Variants in IL17A observed in about 807,000 individuals in gnomAD.
IL17A encodes interleukin-17A.
IL17A carries 1 observed loss-of-function variant against 7.2 expected under a neutral mutation model. That is an observed-to-expected ratio of 0.14 (90% CI 0.05 to 0.66). The LOEUF is 0.66. IL17A is among the 30% of genes least tolerant of loss of function. The probability of loss-of-function intolerance (pLI) is 0.84; values close to 1 mark genes in which losing one functional copy is unlikely to be tolerated. For synonymous variants in IL17A, 90 were observed against 77.7 expected (o/e 1.16, Z -0.83); for missense variants, 191 against 197.1 (o/e 0.97, Z 0.18).
rs1167432363 is a variant in IL17A, at chr6:52,190,328, TC to T, written c.*1040del. On this transcript the variant is annotated 3_prime_UTR_variant, in exon 3 of 3. Transcript: ENST00000648244. ...AGATCATATGGGGAAAATGAAACCC[TC>T]CCCAAAATACAAGAAGTTCTGGGAG... 1 of 152,084 alleles carries T rather than the reference TC, an allele frequency of 6.6e-6. No homozygotes were observed. Among genetic ancestry groups the T allele is most frequent in the Admixed American group, 6.5e-5 (1 of 15,270 alleles). 9.4% of individuals were successfully genotyped at this position (152,084 alleles called of 1,614,324 possible).
chr6:52,188,476 G>C (rs776974873), intron 2 of IL17A, among the ~76,000 whole-genome samples: 1 of 152,062 alleles, frequency 6.6e-6, no homozygotes, highest in Non-Finnish European at 1.5e-5. Context: ...CCATTACTAG[G>C]AAGAGTCAAA....
chr6:52,190,191 C>G lies in IL17A; in HGVS notation c.*899C>G, dbSNP rs889226274. The G allele has an allele frequency of 6.6e-6, 1 of 152,180 alleles. No homozygotes were observed. The highest frequency in any genetic ancestry group is 2.4e-5 in the African/African-American group (1 of 41,432). 9.4% of individuals were successfully genotyped at this position (152,180 alleles called of 1,614,324 possible). Reference sequence around the variant, plus strand: ...TTCTCGATTTCACATGCCTTCAAGACTGAACACCGACTAAGGTTTTCATAC... The same window carrying G: ...TTCTCGATTTCACATGCCTTCAAGAGTGAACACCGACTAAGGTTTTCATAC... On this transcript the variant is annotated 3_prime_UTR_variant, in exon 3 of 3. Transcript: ENST00000648244.
In IL17A at chr6:52,187,694, A is replaced by T; in HGVS notation, c.119A>T (p.Asn40Ile). 1 of 1,614,074 alleles carries T rather than the reference A, an allele frequency of 6.2e-7. No homozygotes were observed. Among genetic ancestry groups the T allele is most frequent in the Non-Finnish European group, 8.5e-7 (1 of 1,179,962 alleles). ...GGATGCCCAAATTCTGAGGACAAGA[A>T]CTTCCCCCGGACTGTGATGGTCAAC... ...NPGCPNSEDKNFPRTVMVNLN... is the reference protein window; with the variant it reads ...NPGCPNSEDKIFPRTVMVNLN... The change falls in exon 2 of 3, where the codon AAC (asparagine) becomes ATC (isoleucine). Residue 40 changes from asparagine to isoleucine, a missense_variant. Coordinates refer to ENST00000648244, the MANE Select transcript of IL17A (RefSeq NM_002190.3).
At position 52,189,557 on chromosome 6, in the gene IL17A, A is replaced by G. The variant is rs1763341798; in HGVS notation, c.*265A>G. 2.8e-6 allele frequency: 1 copy of G among 357,364 alleles called. No homozygotes were observed. Among genetic ancestry groups the G allele is most frequent in the Middle Eastern group, 7.1e-4 (1 of 1,418 alleles). The allele number at this position is 357,364 out of a possible 1,614,324, so 22.1% of individuals were successfully genotyped here. ...CTTTTTTAAGGGCTTTAAGTTATTT[A>G]TGTATTTAATATGCCCTGAGATAAC... is the stretch of plus-strand genomic sequence containing the variant. On this transcript the variant is annotated 3_prime_UTR_variant, in exon 3 of 3. Coordinates refer to ENST00000648244, the MANE Select transcript of IL17A (RefSeq NM_002190.3).
rs1179111332 is a variant in IL17A at position 52,186,441 on chromosome 6, G to A, written c.10G>A (p.Gly4Arg). The A allele has an allele frequency of 3.1e-6, 5 of 1,613,838 alleles. No homozygotes were observed. In the Admixed American group the frequency reaches 6.7e-5, roughly 22 times the overall value. The change falls in exon 1 of 3, where the codon GGG becomes AGG. Residue 4 changes from glycine to arginine, a missense_variant. Coordinates refer to ENST00000648244, the MANE Select transcript of IL17A (RefSeq NM_002190.3). MTP[G>R]KTSLVSLLLL... Reference sequence around the variant, plus strand: ...ATTGGAAGAAACAACGATGACTCCTGGGAAGACCTCATTGGTGGTGAGTCC... The same window carrying A: ...ATTGGAAGAAACAACGATGACTCCTAGGAAGACCTCATTGGTGGTGAGTCC...
chr6:52,189,574 T>C lies in IL17A; in HGVS notation c.*282T>C. 3.3e-6 allele frequency: 1 copy of C among 303,052 alleles called. No individual in the cohort carries two copies. The allele number at this position is 303,052 out of a possible 1,614,324, so 18.8% of individuals were successfully genotyped here. A position where few individuals can be genotyped will look rare whatever the true frequency, so the allele number is the denominator to read the frequency against. On this transcript the variant is annotated 3_prime_UTR_variant, in exon 3 of 3. Coordinates refer to ENST00000648244, the MANE Select transcript of IL17A (RefSeq NM_002190.3). ...AGTTATTTATGTATTTAATATGCCC[T>C]GAGATAACTTTGGGGTATAAGATTC...
chr6:52,189,826 C>T lies in IL17A; in HGVS notation c.*534C>T, dbSNP rs768562049. 1.3e-5 allele frequency: 2 copies of T among 152,248 alleles called. No homozygotes were observed. The highest frequency in any genetic ancestry group is 4.8e-5 in the African/African-American group (2 of 41,416). 9.4% of individuals were successfully genotyped at this position (152,248 alleles called of 1,614,324 possible). On this transcript the variant is annotated 3_prime_UTR_variant, in exon 3 of 3. Coordinates refer to ENST00000648244, the MANE Select transcript of IL17A (RefSeq NM_002190.3). ...GCAGTGCAAAATTTCTGAGTCTTTA[C>T]AACATACGGATATAGTATTTCCTCC...
Position 52,188,973 on chromosome 6 carries a change from C to T in IL17A, c.231-82C>T, listed in dbSNP as rs17881747. 13,902 of 1,024,884 alleles carry T rather than the reference C, an allele frequency of 0.014. 926 individuals carry two copies. The African/African-American group carries it at 0.17, about 12-fold the overall frequency. The allele number at this position is 1,024,884 out of a possible 1,614,324, so 63.5% of individuals were successfully genotyped here. A position where few individuals can be genotyped will look rare whatever the true frequency, so the allele number is the denominator to read the frequency against. On this transcript the variant is annotated intron_variant, in intron 2 of 2. Transcript: ENST00000648244. The stretch of plus-strand genomic sequence containing the variant: ...TATAATTTGTCATCCTGTGAACTTG[C>T]CTCTCTTCATGTATTCCTGTTTTAT...
In IL17A at chr6:52,187,688, A is replaced by T. The variant is rs768149285; in HGVS notation, c.113A>T (p.Asp38Val). 10 of 1,614,000 alleles carry T rather than the reference A, an allele frequency of 6.2e-6. No individual in the cohort carries two copies. The East Asian group carries it at 1.8e-4, about 29-fold the overall frequency. Residue 38 changes from aspartate to valine, a missense_variant, in exon 2 of 3, where the codon GAC (aspartate) becomes GTC (valine). By Grantham distance (152) the Asp-to-Val change is radical. Transcript: ENST00000648244. ...AATCCAGGATGCCCAAATTCTGAGGACAAGAACTTCCCCCGGACTGTGATG... is the reference window on the plus strand; with the variant it reads ...AATCCAGGATGCCCAAATTCTGAGGTCAAGAACTTCCCCCGGACTGTGATG... Reference protein sequence around the residue: ...PRNPGCPNSEDKNFPRTVMVN... With the variant: ...PRNPGCPNSEVKNFPRTVMVN...
In IL17A at chr6:52,189,305, G is replaced by T. The variant is rs1236262290; in HGVS notation, c.*13G>T. On this transcript the variant is annotated 3_prime_UTR_variant, in exon 3 of 3. Transcript: ENST00000648244. ...CCATGTGGCCTAAGAGCTCTGGGGA[G>T]CCCACACTCCCCAAAGCAGTTAGAC... 6.2e-7 allele frequency: 1 copy of T among 1,603,626 alleles called. No individual in the cohort carries two copies. The highest frequency in any genetic ancestry group is 8.5e-7 in the Non-Finnish European group (1 of 1,171,104).
At position 52,187,625 on chromosome 6, in the gene IL17A, T is replaced by C; in HGVS notation, c.50T>C (p.Leu17Pro). ...SLVSLLLLLS[L>P]EAIVKAGITI... ...TAGTCACTGCTACTGCTGCTGAGCC[T>C]GGAGGCCATAGTGAAGGCAGGAATC... The change falls in exon 2 of 3, where the codon CTG becomes CCG. Residue 17 changes from leucine (L) to proline (P), a missense_variant. Leu to Pro is a moderately conservative substitution (Grantham distance 98, BLOSUM62 -3). Coordinates refer to ENST00000648244, the MANE Select transcript of IL17A (RefSeq NM_002190.3). 1 of 1,614,050 alleles carries C rather than the reference T, an allele frequency of 6.2e-7. No individual in the cohort carries two copies. Among genetic ancestry groups the C allele is most frequent in the East Asian group, 2.2e-5 (1 of 44,884 alleles).
intron 2 of IL17A, among the ~76,000 whole-genome samples, 194 bp from the exon 3 acceptor site, chr6:52,188,861 A>G (rs1049518387): frequency 2.0e-5 from 3 of 151,832 alleles, no homozygotes; most frequent in Non-Finnish European, 4.4e-5. Context: ...CTTCTTTTCT[A>G]TAACAATTCA....
chr6:52,186,563 A>G, intron 1 of IL17A, 105 bp downstream of exon 1: 1 of 1,011,730 alleles, frequency 9.9e-7, no homozygotes, highest in South Asian at 1.4e-5. Flanking sequence ...ATCCAGGAAT[A>G]CTGTATATGT....
At position 52,189,912 on chromosome 6, in the gene IL17A, A is replaced by G. The variant is rs761875023; in HGVS notation, c.*620A>G. On this transcript the variant is annotated 3_prime_UTR_variant, in exon 3 of 3. Transcript: ENST00000648244. ...AAAGATTAAACCTACTTTCATATGT[A>G]TTAATTTAAATTTTGCAATTTGTTG... 1 of 152,216 alleles carries G rather than the reference A, an allele frequency of 6.6e-6. No homozygotes were observed. The allele number at this position is 152,216 out of a possible 1,614,324, so 9.4% of individuals were successfully genotyped here.
chr6:52,187,228 C>T (rs531591019), intron 1 of IL17A, among the ~76,000 whole-genome samples: 44 of 152,252 alleles, frequency 2.9e-4, no homozygotes, highest in African/African-American at 1.0e-3. Flanking sequence ...GAGGATATTT[C>T]TACCTAGAAA....
In IL17A at chr6:52,189,973, G is replaced by T. The variant is rs1381318470; in HGVS notation, c.*681G>T. 1 of 152,146 alleles carries T rather than the reference G, an allele frequency of 6.6e-6. No homozygotes were observed. The highest frequency in any genetic ancestry group is 1.5e-5 in the Non-Finnish European group (1 of 68,012). 9.4% of individuals were successfully genotyped at this position (152,146 alleles called of 1,614,324 possible). A position where few individuals can be genotyped will look rare whatever the true frequency, so the allele number is the denominator to read the frequency against. On this transcript the variant is annotated 3_prime_UTR_variant, in exon 3 of 3. Transcript: ENST00000648244. ...AGAGATACAGCAAGTCTAACTCTCT[G>T]TTCCATTAAACCCTTATAATAAAAT...
intron 1 of IL17A, 101 bp downstream of exon 1, chr6:52,186,559 G>A: frequency 9.4e-7 from 1 of 1,064,188 alleles, no homozygotes; most frequent in East Asian, 2.5e-5. Flanking sequence ...GGAGATCCAG[G>A]AATACTGTAT....
At chr6:52,186,818 C>A (rs1402447619) in intron 1 of IL17A, among the ~76,000 whole-genome samples, 1 of 152,084 alleles carries the variant, frequency 6.6e-6, no homozygotes, top group East Asian at 1.9e-4. Flanking sequence ...GGGTCACTAT[C>A]CTTGAGATTT....
chr6:52,189,128 G>C lies in IL17A; in HGVS notation c.304G>C (p.Ala102Pro), dbSNP rs756965539. ...AKCRHLGCINADGNVDYHMNS... is the reference protein window; with the variant it reads ...AKCRHLGCINPDGNVDYHMNS... ...GTGCCGCCACTTGGGCTGCATCAAC[G>C]CTGATGGGAACGTGGACTACCACAT... Residue 102 changes from alanine (A) to proline (P), a missense_variant, in exon 3 of 3, where the codon GCT (alanine) becomes CCT (proline). By Grantham distance (27) the Ala-to-Pro change is conservative. Coordinates refer to ENST00000648244, the MANE Select transcript of IL17A (RefSeq NM_002190.3). 2 of 1,614,106 alleles carry C rather than the reference G, an allele frequency of 1.2e-6. No homozygotes were observed. The highest frequency in any genetic ancestry group is 4.5e-5 in the East Asian group (2 of 44,862).
Sources: allele counts gnomAD v4.1 joint callset (sites outside exome capture counted in the v4.1 genomes callset), GRCh38; gene constraint gnomAD v4.1.1; transcripts MANE v1.5; gene names NCBI Gene and HGNC (gene_info 2026-07-23, HGNC 2026-07-21).